MYO1D: variants seen among roughly 807,000 people sequenced by gnomAD.
MYO1D encodes the protein unconventional myosin-Id.
MYO1D carries 83 observed loss-of-function variants against 122.0 expected under a neutral mutation model. The ratio of observed to expected loss-of-function variants is 0.68; its 90% CI spans 0.57 to 0.82. The LOEUF (loss-of-function observed/expected upper bound fraction) is 0.82, where lower values mean the gene tolerates loss of function less well. Ranked by LOEUF, MYO1D falls within the 40% of genes least tolerant of loss-of-function variation. MYO1D has a pLI of 0.00. For synonymous variants in MYO1D, 464 were observed against 446.9 expected (o/e 1.04, Z -0.48); for missense variants, 1,157 against 1,269.5 (o/e 0.91, Z 1.35).
chr17:32,493,453 C>T lies in MYO1D; in HGVS notation c.*1306G>A, dbSNP rs542989415. ...GACGGGAAGAAGCTTCAGTACATCC[C>T]TCTCTTGCACCTCTGCCCACTCCAC... On this transcript the variant is annotated 3_prime_UTR_variant, in exon 22 of 22. Transcript: ENST00000318217. 5 of 152,460 alleles carry T rather than the reference C, an allele frequency of 3.3e-5. No homozygotes were observed. Among genetic ancestry groups the T allele is most frequent in the Non-Finnish European group, 5.9e-5 (4 of 68,156 alleles). The allele number at this position is 152,460 out of a possible 1,614,324, so 9.4% of individuals were successfully genotyped here.
intron 10 of MYO1D, among the ~76,000 whole-genome samples, chr17:32,756,924 C>A (rs749474162): frequency 5.3e-5 from 8 of 152,176 alleles, no homozygotes; most frequent in Non-Finnish European, 7.4e-5. Flanking sequence ...CCTATCACTA[C>A]ACACAGAAGG....
Position 32,589,868 on chromosome 17 carries a change from T to C in MYO1D, c.2864+15219A>G, listed in dbSNP as rs558967709. Among the ~76,000 whole-genome samples the C allele has an allele frequency of 2.0e-3, 302 of 152,354 alleles. 1 individual carries two copies. The highest frequency in any genetic ancestry group is 6.7e-3 in the African/African-American group (280 of 41,590). On this transcript the variant is annotated intron_variant, in intron 21 of 21. Transcript: ENST00000318217. ...TTACTCCATGAGGATTTTTGATTTC[T>C]GGTTTTATTACTGAGGTTTAACACC...
intron 16 of MYO1D, among the ~76,000 whole-genome samples, chr17:32,662,279 GT>G (rs748512671): frequency 6.6e-6 from 1 of 152,216 alleles, no homozygotes; most frequent in Non-Finnish European, 1.5e-5. Context: ...GTAAAAAGCA[GT>G]TGTCTAAAAT....
chr17:32,666,262 A>G (rs2088634566), intron 16 of MYO1D, among the ~76,000 whole-genome samples: 1 of 152,168 alleles, frequency 6.6e-6, no homozygotes, highest in Non-Finnish European at 1.5e-5. Flanking sequence ...CAGTCAGAAC[A>G]AGGCAAACTG....
intron 21 of MYO1D, chr17:32,528,908 C>T (rs1424507321): frequency 6.6e-6 from 1 of 152,226 alleles, no homozygotes; most frequent in Non-Finnish European, 1.5e-5. Flanking sequence ...GACTGCTGGC[C>T]TTAATAACTG....
chr17:32,867,323 C>CA (rs754118023), intron 1 of MYO1D, among the ~76,000 whole-genome samples: 4,061 of 74,114 alleles, frequency 0.055, 111 homozygotes, highest in African/African-American at 0.13. Flanking sequence ...GAGACTGTCT[C>CA]AAAAAAAAAA....
chr17:32,567,250 C>T (rs895793961), intron 21 of MYO1D, among the ~76,000 whole-genome samples: 1 of 152,138 alleles, frequency 6.6e-6, no homozygotes, highest in South Asian at 2.1e-4. Context: ...ATGGCTATAT[C>T]CCTAGGGCAG....
chr17:32,546,513 T>G (rs556198898), intron 21 of MYO1D, among the ~76,000 whole-genome samples: 1 of 152,362 alleles, frequency 6.6e-6, no homozygotes, highest in African/African-American at 2.4e-5. Context: ...TTTAGTATTT[T>G]TAGCACACAT....
At chr17:32,501,925 G>A (rs1909331518) in intron 21 of MYO1D, among the ~76,000 whole-genome samples, 1 of 152,218 alleles carries the variant, frequency 6.6e-6, no homozygotes, top group Non-Finnish European at 1.5e-5. Flanking sequence ...CTGGTGTCTA[G>A]GGGTGGTGTG....
chr17:32,619,725 A>G (rs2087830313), intron 20 of MYO1D, among the ~76,000 whole-genome samples: 1 of 152,176 alleles, frequency 6.6e-6, no homozygotes, highest in South Asian at 2.1e-4. Flanking sequence ...TATATTATCT[A>G]TTTTAAATTT....
chr17:32,814,031 A>T (rs755600696), intron 1 of MYO1D, among the ~76,000 whole-genome samples: 26 of 152,350 alleles, frequency 1.7e-4, no homozygotes, highest in Non-Finnish European at 3.7e-4. Context: ...GTGACCTGCC[A>T]GAGTTCAGGT....
chr17:32,643,664 C>A (rs925127819), intron 19 of MYO1D, among the ~76,000 whole-genome samples: 3 of 152,026 alleles, frequency 2.0e-5, no homozygotes, highest in Non-Finnish European at 4.4e-5. Flanking sequence ...TGTATGTGTC[C>A]AGGAATTTAT....
intron 21 of MYO1D, among the ~76,000 whole-genome samples, chr17:32,554,956 A>G (rs1290734395): frequency 6.6e-6 from 1 of 152,178 alleles, no homozygotes; most frequent in Non-Finnish European, 1.5e-5. Flanking sequence ...AACATGGTAC[A>G]AGCTTTTAGG....
chr17:32,780,826 C>G, intron 1 of MYO1D, 42 bp from the exon 2 acceptor site: 1 of 1,587,430 alleles, frequency 6.3e-7, no homozygotes, highest in Middle Eastern at 1.7e-4. Flanking sequence ...GCTGTGGTTA[C>G]AGAGAAATGA....
chr17:32,706,763 C>G (rs951241664), intron 16 of MYO1D, among the ~76,000 whole-genome samples: 1 of 152,110 alleles, frequency 6.6e-6, no homozygotes, highest in African/African-American at 2.4e-5. Context: ...GTGGCGCGAT[C>G]TCAGCTCACT....
chr17:32,612,696 CAAAA>C (rs1158470135), intron 20 of MYO1D, among the ~76,000 whole-genome samples: 2 of 104,620 alleles, frequency 1.9e-5, no homozygotes, highest in Admixed American at 2.3e-4. Flanking sequence ...AAAAAAAAAA[CAAAA>C]AAAAAAAAAA....
At chr17:32,674,328 C>T (rs1370259341) in intron 16 of MYO1D, among the ~76,000 whole-genome samples, 1 of 152,206 alleles carries the variant, frequency 6.6e-6, no homozygotes, top group African/African-American at 2.4e-5. Flanking sequence ...TCTATCATAA[C>T]AGCTACTGAT....
intron 1 of MYO1D, among the ~76,000 whole-genome samples, chr17:32,791,299 G>A (rs2090348161): frequency 6.8e-6 from 1 of 147,860 alleles, no homozygotes; most frequent in African/African-American, 2.5e-5. Context: ...AGGAGGCAGA[G>A]GTTGCAGTGA....
At chr17:32,874,547 T>C (rs1409083155) in intron 1 of MYO1D, among the ~76,000 whole-genome samples, 1 of 152,190 alleles carries the variant, frequency 6.6e-6, no homozygotes, top group Non-Finnish European at 1.5e-5. Flanking sequence ...TGTCACCTCT[T>C]CGAGAGGTAA....
Sources: allele counts gnomAD v4.1 joint callset (sites outside exome capture counted in the v4.1 genomes callset), GRCh38; gene constraint gnomAD v4.1.1; transcripts MANE v1.5; gene names NCBI Gene and HGNC (gene_info 2026-07-23, HGNC 2026-07-21).